The following DMWD variants were observed in gnomAD, a reference collection of about 807,000 sequenced individuals.
DMWD encodes the protein DM1 locus, WD repeat containing, also known as dystrophia myotonica WD repeat-containing protein.
In DMWD, 19 loss-of-function variants were observed where a neutral mutation model predicts 45.8. The ratio of observed to expected loss-of-function variants is 0.41; its 90% CI spans 0.29 to 0.61. The LOEUF (loss-of-function observed/expected upper bound fraction) is 0.61. Ranked by LOEUF, DMWD falls within the 20% of genes least tolerant of loss-of-function variation. The pLI is 0.25. For synonymous variants in DMWD, 515 were observed against 440.5 expected, an observed-to-expected ratio of 1.17 and a Z score of -2.12; for missense variants, 802 against 965.2, an observed-to-expected ratio of 0.83 and a Z score of 2.24.
chr19:45,792,376 G>A lies in DMWD; in HGVS notation c.381C>T (p.Cys127=), dbSNP rs1172968191. The change falls in exon 1 of 5, where the codon TGC becomes TGT. Residue 127 remains cysteine (C), a synonymous_variant. Transcript: ENST00000270223. ...AATAGAGCTCACGGCCCAAGTTGAA[G>A]CAGACGCGGTCTCCCCCCGAGCCCA... ...AGLGSGGDRV[C]FNLGRELYFY... is the part of the protein sequence containing the mutation. 2 of 1,607,812 alleles carry A rather than the reference G, an allele frequency of 1.2e-6. No homozygotes were observed. Among genetic ancestry groups the A allele is most frequent in the Non-Finnish European group, 1.7e-6 (2 of 1,177,316 alleles).
In DMWD at chr19:45,786,434, G is replaced by C. The variant is rs1016685124; in HGVS notation, c.1062C>G (p.Ser354=). ...GAGCCACCACGCGGCCCTCGGTGAAGGACCACACGGTGACCAGGTCATCTT... is the reference window on the plus strand; with the variant it reads ...GAGCCACCACGCGGCCCTCGGTGAACGACCACACGGTGACCAGGTCATCTT... ...GGEDDLVTVW[S]FTEGRVVARG... is the part of the protein sequence containing the mutation. Residue 354 remains serine, a synonymous_variant, in exon 3 of 5, where the codon TCC becomes TCG. Coordinates refer to ENST00000270223, the MANE Select transcript of DMWD (RefSeq NM_004943.2). The C allele has an allele frequency of 6.2e-7, 1 of 1,613,386 alleles. No individual in the cohort carries two copies. Among genetic ancestry groups the C allele is most frequent in the Non-Finnish European group, 8.5e-7 (1 of 1,179,542 alleles).
chr19:45,787,208 T>G, intron 2 of DMWD: 1 of 379,550 alleles, frequency 2.6e-6, no homozygotes, highest in South Asian at 2.6e-5. Flanking sequence ...GGAACAGTAG[T>G]GGTCCGTGGC....
chr19:45,788,529 C>A (rs939179021), intron 2 of DMWD, among the ~76,000 whole-genome samples: 1 of 152,188 alleles, frequency 6.6e-6, no homozygotes. Context: ...CCAGCCCCTC[C>A]GTTATTTCTT....
At position 45,786,325 on chromosome 19, in the gene DMWD, C is replaced by G; in HGVS notation, c.1171G>C (p.Gly391Arg). 1 of 1,606,650 alleles carries G rather than the reference C, an allele frequency of 6.2e-7. No individual in the cohort carries two copies. The highest frequency in any genetic ancestry group is 8.5e-7 in the Non-Finnish European group (1 of 1,174,918). ...TRAEEAATAA[G>R]ADGERSGEEE... ...TCGCCGCTCCGCTCCCCATCAGCAC[C>G]GGCTGCTGTCGCCGCCTCCTCTGCC... is the stretch of plus-strand genomic sequence containing the variant. Residue 391 changes from glycine (G) to arginine (R), a missense_variant, in exon 3 of 5, where the codon GGT becomes CGT. Coordinates refer to ENST00000270223, the MANE Select transcript of DMWD (RefSeq NM_004943.2).
At position 45,786,679 on chromosome 19, in the gene DMWD, G is replaced by A; in HGVS notation, c.817C>T (p.Pro273Ser). ...FSVYAAKSKAPRNPLAKWAVG... is the reference protein window; with the variant it reads ...FSVYAAKSKASRNPLAKWAVG... ...GCCCACTTGGCCAGCGGGTTGCGGG[G>A]TGCCTTGCTCTTGGCAGCATAGACA... is the stretch of plus-strand genomic sequence containing the variant. The change falls in exon 3 of 5, where the codon CCC becomes TCC. Residue 273 changes from proline to serine, a missense_variant. Around this residue, in one of 9 missense-constraint regions of DMWD, gnomAD observed 146 missense variants for 212.8 expected, o/e 0.69. Coordinates refer to ENST00000270223, the MANE Select transcript of DMWD (RefSeq NM_004943.2). The A allele has an allele frequency of 1.2e-5, 20 of 1,610,860 alleles. No individual in the cohort carries two copies. The highest frequency in any genetic ancestry group is 1.7e-5 in the Non-Finnish European group (20 of 1,177,480).
intron 4 of DMWD, 62 bp from the exon 5 acceptor site, chr19:45,784,352 C>A: frequency 6.8e-7 from 1 of 1,469,114 alleles, no homozygotes. Context: ...CAGCCAGTGT[C>A]AAGGGGAGGG....
chr19:45,786,284 C>A lies in DMWD; in HGVS notation c.1212G>T (p.Glu404Asp), dbSNP rs1336870482. ...CCGAGCCTGTGCCCGCAGCCTCGGG[C>A]TCCTCCTCCTCCTCTTCGCCGCTCC... ...GERSGEEEEE[E>D]PEAAGTGSAG... The change falls in exon 3 of 5, where the codon GAG becomes GAT. Residue 404 changes from glutamate to aspartate, a missense_variant. Glu to Asp is a conservative substitution (Grantham distance 45). Around this residue, in one of 9 missense-constraint regions of DMWD, gnomAD observed 67 missense variants for 57.9 expected, o/e 1.16. Transcript: ENST00000270223. 4.4e-6 allele frequency: 7 copies of A among 1,573,052 alleles called. No individual in the cohort carries two copies. The highest frequency in any genetic ancestry group is 4.4e-6 in the Non-Finnish European group (5 of 1,147,800).
In DMWD at chr19:45,783,530, C is replaced by T. The variant is rs2146268868; in HGVS notation, c.*713G>A. ...CTCCCCAAGAGGGTCCTGCTCCAGC[C>T]GCTGGTGTGGGTCACCAGTTGTGTG... On this transcript the variant is annotated 3_prime_UTR_variant, in exon 5 of 5. Coordinates refer to ENST00000270223, the MANE Select transcript of DMWD (RefSeq NM_004943.2). 5.0e-6 allele frequency: 2 copies of T among 398,628 alleles called. No homozygotes were observed. Among genetic ancestry groups the T allele is most frequent in the Admixed American group, 4.4e-5 (1 of 22,736 alleles). The allele number at this position is 398,628 out of a possible 1,614,324, so 24.7% of individuals were successfully genotyped here.
Position 45,784,005 on chromosome 19 carries a change from A to G in DMWD, c.*238T>C. 2 of 640,060 alleles carry G rather than the reference A, an allele frequency of 3.1e-6. No individual in the cohort carries two copies. Among genetic ancestry groups the G allele is most frequent in the Non-Finnish European group, 5.5e-6 (2 of 362,638 alleles). The allele number at this position is 640,060 out of a possible 1,614,324, so 39.6% of individuals were successfully genotyped here. ...GATGAGGGTAACACTGATGTTTCAG[A>G]GGAAGAGGTCATTGTACTTGGCAGT... On this transcript the variant is annotated 3_prime_UTR_variant, in exon 5 of 5. Coordinates refer to ENST00000270223, the MANE Select transcript of DMWD (RefSeq NM_004943.2).
Position 45,784,184 on chromosome 19 carries a change from G to A in DMWD, c.*59C>T, listed in dbSNP as rs965862643. On this transcript the variant is annotated 3_prime_UTR_variant, in exon 5 of 5. Transcript: ENST00000270223. ...ATACGTTGATCTGTGAGGTCAGCAG[G>A]GAGGGTTATGGCTAGGAGGCTGGGG... The A allele has an allele frequency of 2.1e-6, 3 of 1,443,284 alleles. No individual in the cohort carries two copies. The African/African-American group carries it at 4.2e-5, about 20-fold the overall frequency. 89.4% of individuals were successfully genotyped at this position (1,443,284 alleles called of 1,614,324 possible). A position where few individuals can be genotyped will look rare whatever the true frequency, so the allele number is the denominator to read the frequency against.
chr19:45,784,982 C>A (rs1407556945), intron 3 of DMWD, among the ~76,000 whole-genome samples: 1 of 152,206 alleles, frequency 6.6e-6, no homozygotes, highest in Non-Finnish European at 1.5e-5. Context: ...CCCAACGCCA[C>A]AGCCCACCCA....
Position 45,785,591 on chromosome 19 carries a change from C to A in DMWD, c.1902+3G>T. 1.4e-6 allele frequency: 2 copies of A among 1,481,010 alleles called. No homozygotes were observed. The highest frequency in any genetic ancestry group is 9.0e-7 in the Non-Finnish European group (1 of 1,113,602). 91.7% of individuals were successfully genotyped at this position (1,481,010 alleles called of 1,614,324 possible). A position where few individuals can be genotyped will look rare whatever the true frequency, so the allele number is the denominator to read the frequency against. Reference sequence around the variant, plus strand: ...CCCGGCAGGCTGGTGTGGGGCCACTCACCGCCTTGCCCGGCCGGGCCCAGG... The same window carrying A: ...CCCGGCAGGCTGGTGTGGGGCCACTAACCGCCTTGCCCGGCCGGGCCCAGG... On this transcript the variant is annotated splice_donor_region_variant and intron_variant, in intron 3 of 4. Coordinates refer to ENST00000270223, the MANE Select transcript of DMWD (RefSeq NM_004943.2).
chr19:45,788,249 C>G (rs1970308667), intron 2 of DMWD, among the ~76,000 whole-genome samples: 1 of 152,210 alleles, frequency 6.6e-6, no homozygotes, highest in Non-Finnish European at 1.5e-5. Context: ...CAGCACCTGG[C>G]ACTGTCCTGC....
At position 45,785,525 on chromosome 19, in the gene DMWD, T is replaced by G. The variant is rs1055606635; in HGVS notation, c.1902+69A>C. The G allele has an allele frequency of 5.6e-6, 8 of 1,426,810 alleles. No homozygotes were observed. In the African/African-American group the frequency reaches 7.3e-5, roughly 13 times the overall value. The allele number at this position is 1,426,810 out of a possible 1,614,324, so 88.4% of individuals were successfully genotyped here. On this transcript the variant is annotated intron_variant, in intron 3 of 4. Transcript: ENST00000270223. ...TGTGACAGCAACAAAGCCCTCTCTC[T>G]GCCAATGCCTGCCTCTTCCCACGAA...
intron 2 of DMWD, 101 bp downstream of exon 2, chr19:45,790,804 C>T: frequency 2.2e-6 from 3 of 1,356,456 alleles, no homozygotes; most frequent in South Asian, 1.4e-5. Context: ...TGGTCCTGCC[C>T]CTCTCAGGCC....
chr19:45,783,765 C>A lies in DMWD; in HGVS notation c.*478G>T, dbSNP rs1970219548. 6.6e-6 allele frequency: 3 copies of A among 457,356 alleles called. No homozygotes were observed. The highest frequency in any genetic ancestry group is 1.1e-5 in the Non-Finnish European group (3 of 263,048). 28.3% of individuals were successfully genotyped at this position (457,356 alleles called of 1,614,324 possible). ...GGGAACTTTAGTATAAATAAGAGGT[C>A]CTGCGGGACAGGGAGGAACCTGAGG... On this transcript the variant is annotated 3_prime_UTR_variant, in exon 5 of 5. Transcript: ENST00000270223.
Position 45,786,161 on chromosome 19 carries a change from GA to G in DMWD, c.1334del (p.Leu445ProfsTer214). 1 of 1,584,770 alleles carries G rather than the reference GA, an allele frequency of 6.3e-7. No homozygotes were observed. Among genetic ancestry groups the G allele is most frequent in the Non-Finnish European group, 8.6e-7 (1 of 1,165,876 alleles). ...GGTGCGGGTAGAGCACGTCTTCAGT[GA>G]GGTCCCACAGGCAGAACTGCGTGTC... The part of the protein sequence containing the change: ...GQDTQFCLWD[L>X]TEDVLYPHPP... On this transcript the variant is annotated frameshift_variant, in exon 3 of 5. Coordinates refer to ENST00000270223, the MANE Select transcript of DMWD (RefSeq NM_004943.2). LOFTEE classifies it high-confidence loss of function.
At position 45,792,788 on chromosome 19, in the gene DMWD, G is replaced by C. The variant is rs906412985; in HGVS notation, c.-32C>G. The C allele has an allele frequency of 1.8e-6, 2 of 1,105,540 alleles. No homozygotes were observed. The highest frequency in any genetic ancestry group is 2.2e-6 in the Non-Finnish European group (2 of 907,864). 68.5% of individuals were successfully genotyped at this position (1,105,540 alleles called of 1,614,324 possible). A position where few individuals can be genotyped will look rare whatever the true frequency, so the allele number is the denominator to read the frequency against. ...CGCCCCCCGGGCCCCGCCACTGCCG[G>C]ACTGCCGCCCGCAGCCGGGCCCCCT... On this transcript the variant is annotated 5_prime_UTR_variant, in exon 1 of 5. Coordinates refer to ENST00000270223, the MANE Select transcript of DMWD (RefSeq NM_004943.2).
chr19:45,787,440 A>C lies in DMWD; in HGVS notation c.625-569T>G, dbSNP rs532295753. On this transcript the variant is annotated intron_variant, in intron 2 of 4. Coordinates refer to ENST00000270223, the MANE Select transcript of DMWD (RefSeq NM_004943.2). The stretch of plus-strand genomic sequence containing the variant: ...GTTTCATCCCAAAACCATCCCCCCA[A>C]CAGTCTGTGGAAAAACTGTCTTCCA... Among the ~76,000 whole-genome samples the C allele has an allele frequency of 1.1e-4, 16 of 152,164 alleles. No individual in the cohort carries two copies. The East Asian group carries it at 3.1e-3, about 29-fold the overall frequency.
Sources: gnomAD v4.1 joint callset for allele counts (sites outside exome capture counted in the v4.1 genomes callset) on GRCh38, gnomAD v4.1.1 for gene constraint, gnomAD v4.1.1 regional missense constraint, MANE v1.5 for transcripts, NCBI Gene and HGNC (gene_info 2026-07-23, HGNC 2026-07-21) for gene names.